TUBG1: variants seen among roughly 807,000 people sequenced by gnomAD.
TUBG1 encodes the protein tubulin gamma 1.
TUBG1 carries 22 observed loss-of-function variants against 53.3 expected under a neutral mutation model. The ratio of observed to expected loss-of-function variants is 0.41; its 90% CI spans 0.29 to 0.59. TUBG1 has a LOEUF of 0.59. TUBG1 is among the 20% of genes least tolerant of loss of function. The pLI is 0.26. For missense variants in TUBG1, 217 were observed against 598.9 expected (o/e 0.36, Z 6.66); for synonymous variants, 198 against 236.7 (o/e 0.84, Z 1.50).
chr17:42,609,912 C>T, intron 1 of TUBG1, 126 bp downstream of exon 1: 1 of 1,406,860 alleles, frequency 7.1e-7, no homozygotes, highest in Non-Finnish European at 9.6e-7. Flanking sequence ...ACATCCCTGA[C>T]CCAGTGTCCA....
Position 42,614,355 on chromosome 17 carries a change from C to A in TUBG1, c.939C>A (p.Thr313=), listed in dbSNP as rs1331431848. ...VMVSTGRDRQ[T]NHCYIAILNI... ...TGTCCACAGGCCGAGACCGCCAGAC[C>A]AACCACTGCTACATCGCCATCCTCA... Residue 313 remains threonine, a synonymous_variant, in exon 9 of 11, where the codon ACC becomes ACA. Transcript: ENST00000251413. The surrounding 1 kb of genome is among the most constrained non-coding windows in gnomAD (Gnocchi z 5.1). 6.2e-6 allele frequency: 10 copies of A among 1,613,822 alleles called. No homozygotes were observed. Among genetic ancestry groups the A allele is most frequent in the Non-Finnish European group, 8.5e-6 (10 of 1,179,858 alleles).
rs1047618193 is a variant in TUBG1, at chr17:42,610,690, G to C, written c.330+100G>C. The stretch of plus-strand genomic sequence containing the variant: ...AAAACCGGATCAGGGATGTATGAAT[G>C]CTGGAGGGAGAGACCTGGCTGCAGG... On this transcript the variant is annotated intron_variant, in intron 3 of 10. Coordinates refer to ENST00000251413, the MANE Select transcript of TUBG1 (RefSeq NM_001070.5). 88 of 1,547,502 alleles carry C rather than the reference G, an allele frequency of 5.7e-5. 1 individual carries two copies. The African/African-American group carries it at 1.0e-3, about 18-fold the overall frequency.
chr17:42,612,898 C>A, intron 5 of TUBG1, 49 bp from the exon 6 acceptor site: 2 of 1,608,488 alleles, frequency 1.2e-6, no homozygotes, highest in South Asian at 1.1e-5. Flanking sequence ...GCGCCATGTT[C>A]ACCAGGCCTT....
chr17:42,613,590 G>T, intron 6 of TUBG1, 57 bp from the exon 7 acceptor site: 4 of 1,613,028 alleles, frequency 2.5e-6, no homozygotes, highest in Admixed American at 1.7e-5. Context: ...CTAGGGTCAG[G>T]CAGAGCTCCT....
At position 42,615,194 on chromosome 17, in the gene TUBG1, C is replaced by T. The variant is rs188437325; in HGVS notation, c.*153C>T. On this transcript the variant is annotated 3_prime_UTR_variant, in exon 11 of 11. Coordinates refer to ENST00000251413, the MANE Select transcript of TUBG1 (RefSeq NM_001070.5). ...GCCTGCAAACACATTTACTTCTCCT[C>T]TTATGAGACTATTTATCTTTAATAA... is the stretch of plus-strand genomic sequence containing the variant. 1 of 659,582 alleles carries T rather than the reference C, an allele frequency of 1.5e-6. No individual in the cohort carries two copies. Among genetic ancestry groups the T allele is most frequent in the East Asian group, 2.8e-5 (1 of 36,338 alleles). 40.9% of individuals were successfully genotyped at this position (659,582 alleles called of 1,614,324 possible). A position where few individuals can be genotyped will look rare whatever the true frequency, so the allele number is the denominator to read the frequency against.
Position 42,612,407 on chromosome 17 carries a change from A to G in TUBG1, c.400-20A>G. ...CCTGCCACTAGATACCTGTACACTG[A>G]CTGCCCCTTCCCCATGCAGGGCTTT... On this transcript the variant is annotated intron_variant, in intron 4 of 10. Transcript: ENST00000251413. The G allele has an allele frequency of 6.2e-7, 1 of 1,613,234 alleles. No individual in the cohort carries two copies. Among genetic ancestry groups the G allele is most frequent in the South Asian group, 1.1e-5 (1 of 90,990 alleles).
chr17:42,610,233 A>T lies in TUBG1; in HGVS notation c.162+13A>T. On this transcript the variant is annotated intron_variant, in intron 2 of 10. Coordinates refer to ENST00000251413, the MANE Select transcript of TUBG1 (RefSeq NM_001070.5). ...CTTTTTCTACCAGGTGCCCCCAGCG[A>T]CTTGGCCGGGGGCGGCAGTTGCCCA... is the stretch of plus-strand genomic sequence containing the variant. 6.2e-7 allele frequency: 1 copy of T among 1,614,186 alleles called. No homozygotes were observed. The highest frequency in any genetic ancestry group is 2.2e-5 in the East Asian group (1 of 44,882).
At chr17:42,610,821 C>G in intron 3 of TUBG1, 1 of 569,528 alleles carries the variant, frequency 1.8e-6, no homozygotes. Flanking sequence ...CCCAACAACC[C>G]TAGAAGTAAG....
intron 6 of TUBG1, 30 bp downstream of exon 6, chr17:42,613,103 C>G (rs754257530): frequency 1.2e-6 from 2 of 1,611,296 alleles, no homozygotes; most frequent in South Asian, 2.2e-5. Context: ...TCTCCCAACT[C>G]TCAACACCCC....
chr17:42,614,739 T>G lies in TUBG1; in HGVS notation c.1158+82T>G, dbSNP rs1198532533. On this transcript the variant is annotated intron_variant, in intron 10 of 10. Coordinates refer to ENST00000251413, the MANE Select transcript of TUBG1 (RefSeq NM_001070.5). The surrounding 1 kb of genome is among the most constrained non-coding windows in gnomAD (Gnocchi z 5.1). ...CCTCTCTGCATCTGCTGGCCCTGCT[T>G]CTAGCTTTTTTGCTGTGGGCATAGC... is the stretch of plus-strand genomic sequence containing the variant. 6.2e-7 allele frequency: 1 copy of G among 1,604,906 alleles called. No homozygotes were observed. The highest frequency in any genetic ancestry group is 1.7e-5 in the Admixed American group (1 of 59,308).
chr17:42,612,179 G>A (rs2052041554), intron 4 of TUBG1, 36 bp downstream of exon 4: 1 of 1,609,234 alleles, frequency 6.2e-7, no homozygotes. Flanking sequence ...GAGCCGACAT[G>A]GGCAAGGCTT....
In TUBG1 at chr17:42,614,805, T is replaced by G; in HGVS notation, c.1159-39T>G. The G allele has an allele frequency of 6.2e-7, 1 of 1,613,634 alleles. No individual in the cohort carries two copies. The highest frequency in any genetic ancestry group is 8.5e-7 in the Non-Finnish European group (1 of 1,179,678). ...CAGCTTTCTGGGCCACGTTATTCTT[T>G]GAAGTTCTTTGTAACCCCTGTTTTC... On this transcript the variant is annotated intron_variant, in intron 10 of 10. Transcript: ENST00000251413. This position sits in a 1 kb window ranked among gnomAD's most constrained non-coding sequence, Gnocchi z 5.1.
chr17:42,612,675 A>G (rs549600215), intron 5 of TUBG1, among the ~76,000 whole-genome samples, 169 bp downstream of exon 5: 1 of 152,284 alleles, frequency 6.6e-6, no homozygotes, highest in African/African-American at 2.4e-5. Context: ...TCACACTCCC[A>G]GTAGTGGGAA....
At position 42,614,179 on chromosome 17, in the gene TUBG1, C is replaced by T; in HGVS notation, c.844-81C>T. 1 of 1,604,584 alleles carries T rather than the reference C, an allele frequency of 6.2e-7. No individual in the cohort carries two copies. The highest frequency in any genetic ancestry group is 1.1e-5 in the South Asian group (1 of 90,388). ...TGACTTGCTCTCCACCCTCCCTCTGCCTTTGGCTTCTGCCAAAGAGAAGCC... is the reference window on the plus strand; with the variant it reads ...TGACTTGCTCTCCACCCTCCCTCTGTCTTTGGCTTCTGCCAAAGAGAAGCC... On this transcript the variant is annotated intron_variant, in intron 8 of 10. Transcript: ENST00000251413. The surrounding 1 kb of genome is among the most constrained non-coding windows in gnomAD (Gnocchi z 5.1).
chr17:42,615,147 C>A lies in TUBG1; in HGVS notation c.*106C>A. 9.5e-7 allele frequency: 1 copy of A among 1,055,576 alleles called. No individual in the cohort carries two copies. Among genetic ancestry groups the A allele is most frequent in the Non-Finnish European group, 1.4e-6 (1 of 712,612 alleles). The allele number at this position is 1,055,576 out of a possible 1,614,324, so 65.4% of individuals were successfully genotyped here. A position where few individuals can be genotyped will look rare whatever the true frequency, so the allele number is the denominator to read the frequency against. On this transcript the variant is annotated 3_prime_UTR_variant, in exon 11 of 11. Transcript: ENST00000251413. ...TCAGGGACCTCACGCATCTCTTTCT[C>A]ATATACATGGACTCTCTGTTGGCCT...
At position 42,614,244 on chromosome 17, in the gene TUBG1, C is replaced by T. The variant is rs377687897; in HGVS notation, c.844-16C>T. 6.2e-7 allele frequency: 1 copy of T among 1,613,932 alleles called. No individual in the cohort carries two copies. Among genetic ancestry groups the T allele is most frequent in the South Asian group, 1.1e-5 (1 of 91,084 alleles). ...CCCTGAGCGCTGGCCGGGTCCCTGT[C>T]TCACTGTCCTATCAGGTGGCCAGCG... On this transcript the variant is annotated splice_polypyrimidine_tract_variant and intron_variant, in intron 8 of 10. Transcript: ENST00000251413. The surrounding 1 kb of genome is among the most constrained non-coding windows in gnomAD (Gnocchi z 5.1).
intron 3 of TUBG1, among the ~76,000 whole-genome samples, chr17:42,611,864 A>AG (rs1363216853): frequency 5.9e-5 from 9 of 152,190 alleles, no homozygotes; most frequent in Non-Finnish European, 8.8e-5. Flanking sequence ...GCAAAAAAAA[A>AG]TAGAGCTAAT....
chr17:42,613,497 C>A (rs2052052020), intron 6 of TUBG1, 150 bp from the exon 7 acceptor site: 4 of 1,104,570 alleles, frequency 3.6e-6, no homozygotes, highest in Non-Finnish European at 5.2e-6. Flanking sequence ...CATTTTGAGC[C>A]CTCCTTTGCC....
intron 3 of TUBG1, among the ~76,000 whole-genome samples, chr17:42,611,438 C>G (rs1435996595): frequency 1.3e-5 from 2 of 151,940 alleles, no homozygotes; most frequent in Non-Finnish European, 2.9e-5. Flanking sequence ...TTTTGAATTC[C>G]AAAACATAAC....
Sources: allele counts gnomAD v4.1 joint callset (sites outside exome capture counted in the v4.1 genomes callset), GRCh38; gene constraint gnomAD v4.1.1; non-coding constraint Gnocchi (gnomAD v3.1); transcripts MANE v1.5; gene names NCBI Gene and HGNC (gene_info 2026-07-23, HGNC 2026-07-21).